The following CDH12 variants were observed in gnomAD, a reference collection of about 807,000 sequenced individuals.
CDH12 encodes the protein cadherin 12.
In CDH12, 41 loss-of-function variants were observed where a neutral mutation model predicts 74.1. The ratio of observed to expected loss-of-function variants is 0.55; its 90% CI spans 0.43 to 0.72. The LOEUF (loss-of-function observed/expected upper bound fraction) is 0.72, where lower values mean the gene tolerates loss of function less well. CDH12 is among the 30% of genes least tolerant of loss of function. The pLI is 0.00. For missense variants in CDH12, 945 were observed against 977.2 expected, an observed-to-expected ratio of 0.97 and a Z score of 0.44; for synonymous variants, 399 against 355.0, an observed-to-expected ratio of 1.12 and a Z score of -1.39.
chr5:22,752,545 CT>C (rs1159388186), intron 1 of CDH12, among the ~76,000 whole-genome samples: 10 of 65,748 alleles, frequency 1.5e-4, no homozygotes, highest in African/African-American at 7.2e-4. Context: ...TAGGATACTT[CT>C]TTTTTTTTTT....
At chr5:22,711,122 GA>G (rs967519156) in intron 1 of CDH12, among the ~76,000 whole-genome samples, 1 of 151,744 alleles carries the variant, frequency 6.6e-6, no homozygotes, top group Non-Finnish European at 1.5e-5. Flanking sequence ...GGAAAATCTA[GA>G]AAAAAACAGT....
chr5:21,887,071 G>A (rs1752670424), intron 6 of CDH12, among the ~76,000 whole-genome samples: 1 of 151,974 alleles, frequency 6.6e-6, no homozygotes, highest in Non-Finnish European at 1.5e-5. Context: ...AATTGTTTAG[G>A]ATTTTCAGAC....
At chr5:22,306,681 G>A (rs2150424156) in intron 3 of CDH12, among the ~76,000 whole-genome samples, 1 of 152,230 alleles carries the variant, frequency 6.6e-6, no homozygotes, top group Admixed American at 6.5e-5. Context: ...GGGGTCAAAT[G>A]AATGAGATTT....
At chr5:22,575,867 A>AT (rs891002288) in intron 1 of CDH12, among the ~76,000 whole-genome samples, 18 of 150,222 alleles carry the variant, frequency 1.2e-4, no homozygotes, top group South Asian at 6.4e-4. Context: ...GCCTGGCCTT[A>AT]TTTTTTTTTA....
intron 1 of CDH12, among the ~76,000 whole-genome samples, chr5:22,784,952 T>A (rs972571726): frequency 6.6e-6 from 1 of 152,178 alleles, no homozygotes; most frequent in Non-Finnish European, 1.5e-5. Flanking sequence ...TTGAAATACA[T>A]CTATTAAGCT....
At chr5:22,200,990 G>A (rs189705593) in intron 4 of CDH12, among the ~76,000 whole-genome samples, 93 of 152,260 alleles carry the variant, frequency 6.1e-4, no homozygotes, top group African/African-American at 2.2e-3. Context: ...CACTCCACTT[G>A]TAGGGGCCAA....
At chr5:22,462,658 C>A (rs934114797) in intron 2 of CDH12, among the ~76,000 whole-genome samples, 2 of 152,102 alleles carry the variant, frequency 1.3e-5, no homozygotes, top group Non-Finnish European at 2.9e-5. Context: ...AAATATAATT[C>A]CTTGAGCCCT....
At chr5:22,700,460 T>C (rs1327748342) in intron 1 of CDH12, among the ~76,000 whole-genome samples, 8 of 152,188 alleles carry the variant, frequency 5.3e-5, no homozygotes, top group Admixed American at 1.3e-4. Context: ...GATGTATTAC[T>C]TTACCTCTTG....
chr5:22,745,989 T>A (rs537714783), intron 1 of CDH12, among the ~76,000 whole-genome samples: 1 of 152,192 alleles, frequency 6.6e-6, no homozygotes, highest in Non-Finnish European at 1.5e-5. Context: ...ATTCTTATAA[T>A]GACAGAGCAA....
At chr5:22,705,026 A>C (rs1014960823) in intron 1 of CDH12, among the ~76,000 whole-genome samples, 1 of 151,854 alleles carries the variant, frequency 6.6e-6, no homozygotes, top group Admixed American at 6.6e-5. Context: ...GAATATATAT[A>C]TGCATATATA....
chr5:22,325,290 A>G (rs977002062), intron 3 of CDH12, among the ~76,000 whole-genome samples: 4 of 152,218 alleles, frequency 2.6e-5, no homozygotes, highest in Admixed American at 2.0e-4. Context: ...TACAAGTTAT[A>G]GTACTAAACC....
intron 1 of CDH12, among the ~76,000 whole-genome samples, chr5:22,798,709 A>C (rs1421213062): frequency 1.3e-5 from 2 of 152,240 alleles, no homozygotes; most frequent in African/African-American, 4.8e-5. Context: ...TATATATTAC[A>C]AATGAATATT....
intron 1 of CDH12, among the ~76,000 whole-genome samples, chr5:22,638,267 C>G (rs888333578): frequency 1.3e-5 from 2 of 152,148 alleles, no homozygotes; most frequent in African/African-American, 4.8e-5. Context: ...GCAAGAAAGC[C>G]AGGCAGCATC....
chr5:21,756,711 A>T (rs73054909), intron 13 of CDH12, among the ~76,000 whole-genome samples: 5,303 of 152,270 alleles, frequency 0.035, 113 homozygotes, highest in Middle Eastern at 0.071. Context: ...TAGAAATGTG[A>T]CAATATGTAG....
chr5:22,471,645 A>C (rs1186879453), intron 2 of CDH12, among the ~76,000 whole-genome samples: 1 of 152,094 alleles, frequency 6.6e-6, no homozygotes, highest in Non-Finnish European at 1.5e-5. Flanking sequence ...TCCAAATAAT[A>C]TTTTATCCCC....
intron 6 of CDH12, among the ~76,000 whole-genome samples, chr5:21,913,868 A>G (rs1352161209): frequency 1.3e-5 from 2 of 151,938 alleles, no homozygotes; most frequent in Non-Finnish European, 2.9e-5. Flanking sequence ...ATTTTTGGAG[A>G]GATAGGAGTC....
At chr5:22,314,230 T>A (rs940176378) in intron 3 of CDH12, among the ~76,000 whole-genome samples, 36 of 152,282 alleles carry the variant, frequency 2.4e-4, no homozygotes, top group Admixed American at 1.6e-3. Flanking sequence ...TCAGGGTTTT[T>A]AAAAACCATG....
intron 1 of CDH12, among the ~76,000 whole-genome samples, chr5:22,707,863 T>C (rs112777312): frequency 1.3e-5 from 2 of 152,180 alleles, no homozygotes; most frequent in African/African-American, 4.8e-5. Context: ...TTAAATCTTA[T>C]GTGTATGGCA....
chr5:22,536,153 A>G (rs1247429367), intron 1 of CDH12, among the ~76,000 whole-genome samples: 1 of 152,170 alleles, frequency 6.6e-6, no homozygotes, highest in Non-Finnish European at 1.5e-5. Flanking sequence ...GGAAAGACTT[A>G]ATATTTCCTT....
Sources: allele counts gnomAD v4.1 joint callset (sites outside exome capture counted in the v4.1 genomes callset), GRCh38; gene constraint gnomAD v4.1.1; transcripts MANE v1.5; gene names NCBI Gene and HGNC (gene_info 2026-07-23, HGNC 2026-07-21).